Variants in SEMA3E observed in about 807,000 individuals in gnomAD.
The protein encoded by SEMA3E is semaphorin 3E.
A neutral mutation model predicts 93.6 loss-of-function variants in SEMA3E; 49 were observed. The observed-to-expected ratio is 0.52, with a 90% CI of 0.42 to 0.66. SEMA3E has a LOEUF of 0.66. Ranked by LOEUF, SEMA3E falls within the 30% of genes least tolerant of loss-of-function variation. SEMA3E has a pLI of 0.00. For synonymous variants in SEMA3E, 363 were observed against 330.7 expected, an observed-to-expected ratio of 1.10 and a Z score of -1.06; for missense variants, 906 against 964.8, an observed-to-expected ratio of 0.94 and a Z score of 0.81.
At chr7:83,584,189 ATAAAACTTTTT>A (rs1436100220) in intron 1 of SEMA3E, among the ~76,000 whole-genome samples, 1 of 152,194 alleles carries the variant, frequency 6.6e-6, no homozygotes, top group African/African-American at 2.4e-5. Flanking sequence ...TATACATGTA[ATAAAACTTTTT>A]TTCATATGTT....
chr7:83,400,035 A>G lies in SEMA3E; in HGVS notation c.1359T>C (p.Ile453=), dbSNP rs745653615. 1.1e-5 allele frequency: 18 copies of G among 1,611,254 alleles called. No homozygotes were observed. Among genetic ancestry groups the G allele is most frequent in the Non-Finnish European group, 1.3e-5 (15 of 1,177,340 alleles). ...ACTTTCTCGTCTCTTTACCTGTCCC[A>G]ATAAACAAGACGTCATATTGGCCAT... ...AEDGQYDVLF[I]GTDNGIVLKV... The change falls in exon 11 of 17, where the codon ATT becomes ATC. Residue 453 remains isoleucine, a synonymous_variant. Transcript: ENST00000643230.
chr7:83,618,901 G>T (rs1309802963), intron 1 of SEMA3E, among the ~76,000 whole-genome samples: 1 of 151,748 alleles, frequency 6.6e-6, no homozygotes, highest in East Asian at 1.9e-4. Context: ...ATATGATACT[G>T]CAGGCATACA....
chr7:83,500,519 T>C (rs1000341701), intron 1 of SEMA3E, among the ~76,000 whole-genome samples: 2 of 151,588 alleles, frequency 1.3e-5, no homozygotes, highest in African/African-American at 2.4e-5. Flanking sequence ...TCCTACCAAA[T>C]GCTTTCAGTA....
chr7:83,417,574 A>G lies in SEMA3E; in HGVS notation c.550+816T>C, dbSNP rs151255207. ...CCTTGCACATCTGCACCATACATGC[A>G]TCAGAATCTCTCAACGCTGAGGGAA... is the stretch of plus-strand genomic sequence containing the variant. On this transcript the variant is annotated intron_variant, in intron 5 of 16. Coordinates refer to ENST00000643230, the MANE Select transcript of SEMA3E (RefSeq NM_012431.3). Among the ~76,000 whole-genome samples the G allele has an allele frequency of 3.9e-3, 600 of 152,266 alleles. 5 individuals carry two copies. The highest frequency in any genetic ancestry group is 0.014 in the African/African-American group (566 of 41,578).
intron 1 of SEMA3E, among the ~76,000 whole-genome samples, chr7:83,514,142 A>G (rs1790881479): frequency 6.6e-6 from 1 of 152,154 alleles, no homozygotes; most frequent in African/African-American, 2.4e-5. Context: ...ATGCCATGGC[A>G]ATGTCAAGAA....
chr7:83,390,147 A>G (rs1176672827), intron 14 of SEMA3E, among the ~76,000 whole-genome samples: 1 of 30,144 alleles, frequency 3.3e-5, no homozygotes, highest in African/African-American at 1.2e-4. Context: ...ATATGCGCGT[A>G]TACGTGTGCA....
At chr7:83,503,632 A>G (rs1360767201) in intron 1 of SEMA3E, among the ~76,000 whole-genome samples, 1 of 152,188 alleles carries the variant, frequency 6.6e-6, no homozygotes, top group Non-Finnish European at 1.5e-5. Context: ...CTGCAAACCT[A>G]GGCTATATAT....
chr7:83,627,492 AG>A (rs1793694020), intron 1 of SEMA3E, among the ~76,000 whole-genome samples: 1 of 151,928 alleles, frequency 6.6e-6, no homozygotes, highest in South Asian at 2.1e-4. Flanking sequence ...TTCCTCTATT[AG>A]GTGCATATAT....
chr7:83,501,648 T>A (rs551756108), intron 1 of SEMA3E, among the ~76,000 whole-genome samples: 3 of 152,336 alleles, frequency 2.0e-5, no homozygotes, highest in Middle Eastern at 3.4e-3. Flanking sequence ...AAACAGGGTA[T>A]TATTGCCAGG....
chr7:83,542,439 A>G lies in SEMA3E; in HGVS notation c.116-52165T>C, dbSNP rs564786739. Among the ~76,000 whole-genome samples, 9 of 152,282 alleles carry G rather than the reference A, an allele frequency of 5.9e-5. No homozygotes were observed. The South Asian group carries it at 1.7e-3, about 28-fold the overall frequency. ...GTGAGTTTGTATTCATTGAAAGTGA[A>G]TATTTTCTTTATTAAATCTTGTTTC... On this transcript the variant is annotated intron_variant, in intron 1 of 16. Coordinates refer to ENST00000643230, the MANE Select transcript of SEMA3E (RefSeq NM_012431.3).
At chr7:83,491,157 C>T (rs114100098) in intron 1 of SEMA3E, among the ~76,000 whole-genome samples, 1,982 of 152,080 alleles carry the variant, frequency 0.013, 54 homozygotes, top group African/African-American at 0.045. Context: ...TTCTTAGTGA[C>T]GAGGACTCTA....
At chr7:83,441,655 G>A (rs1023601670) in intron 4 of SEMA3E, among the ~76,000 whole-genome samples, 2 of 152,148 alleles carry the variant, frequency 1.3e-5, no homozygotes, top group African/African-American at 4.8e-5. Context: ...TGTGAGGTAA[G>A]CTCCATTTTA....
intron 1 of SEMA3E, among the ~76,000 whole-genome samples, chr7:83,552,623 C>A (rs1177098700): frequency 6.6e-6 from 1 of 151,838 alleles, no homozygotes; most frequent in Non-Finnish European, 1.5e-5. Flanking sequence ...TTATTAATAC[C>A]CTGGGAAAGG....
chr7:83,585,178 T>C (rs1312666022), intron 1 of SEMA3E, among the ~76,000 whole-genome samples: 1 of 152,172 alleles, frequency 6.6e-6, no homozygotes, highest in Admixed American at 6.6e-5. Flanking sequence ...TGCAACAGTA[T>C]CCCATTTACA....
At chr7:83,504,364 T>C (rs1230056673) in intron 1 of SEMA3E, among the ~76,000 whole-genome samples, 1 of 152,204 alleles carries the variant, frequency 6.6e-6, no homozygotes, top group Admixed American at 6.5e-5. Context: ...GCTATGTGGA[T>C]GTAGAGATGA....
At chr7:83,646,242 A>G (rs2058588654) in intron 1 of SEMA3E, among the ~76,000 whole-genome samples, 1 of 152,118 alleles carries the variant, frequency 6.6e-6, no homozygotes, top group Non-Finnish European at 1.5e-5. Flanking sequence ...AAGTCAGCAA[A>G]AGATTAATCT....
At chr7:83,537,401 C>T (rs568668015) in intron 1 of SEMA3E, among the ~76,000 whole-genome samples, 22 of 152,138 alleles carry the variant, frequency 1.4e-4, no homozygotes, top group Non-Finnish European at 2.1e-4. Context: ...GGGAAATCCC[C>T]GCTCCCTTGG....
At chr7:83,457,380 A>C (rs994847860) in intron 4 of SEMA3E, among the ~76,000 whole-genome samples, 1 of 152,214 alleles carries the variant, frequency 6.6e-6, no homozygotes, top group South Asian at 2.1e-4. Context: ...ACAGAAATAA[A>C]TACTGGACAT....
intron 1 of SEMA3E, among the ~76,000 whole-genome samples, chr7:83,492,005 T>C (rs1488398275): frequency 1.3e-5 from 2 of 152,012 alleles, no homozygotes; most frequent in Non-Finnish European, 2.9e-5. Context: ...ACATAAGCAT[T>C]TACGTTTATA....
Sources: gnomAD v4.1 joint callset for allele counts (sites outside exome capture counted in the v4.1 genomes callset) on GRCh38, gnomAD v4.1.1 for gene constraint, MANE v1.5 for transcripts, NCBI Gene and HGNC (gene_info 2026-07-23, HGNC 2026-07-21) for gene names.